DCHS2: variants seen among roughly 807,000 people sequenced by gnomAD.
DCHS2 encodes protocadherin-23.
Under a neutral mutation model 182.4 loss-of-function variants are expected in DCHS2, and 142 were observed. That is an observed-to-expected ratio of 0.78 (90% CI 0.68 to 0.89). DCHS2 has a LOEUF of 0.89. Ranked by LOEUF, DCHS2 falls within the 40% of genes least tolerant of loss-of-function variation. The pLI is 0.00. For missense variants in DCHS2, 4,319 were observed against 4,198.6 expected (o/e 1.03, Z -0.79); for synonymous variants, 1,740 against 1,663.3 (o/e 1.05, Z -1.12).
At chr4:154,484,175 T>C (rs1310915226) in intron 1 of DCHS2, among the ~76,000 whole-genome samples, 1 of 152,182 alleles carries the variant, frequency 6.6e-6, no homozygotes, top group Non-Finnish European at 1.5e-5. Flanking sequence ...GTACCAATTA[T>C]TCCTTTGTGA....
At chr4:154,325,316 C>CATGTGTGTGTGTGTGT (rs555546818) in intron 7 of DCHS2, among the ~76,000 whole-genome samples, 39 of 142,766 alleles carry the variant, frequency 2.7e-4, no homozygotes, top group Middle Eastern at 3.8e-3. Flanking sequence ...GGATTATAGC[C>CATGTGTGTGTGTGTGT]GTGTGTGTGT....
chr4:154,341,306 C>A (rs1171573562), intron 3 of DCHS2, among the ~76,000 whole-genome samples: 3 of 148,054 alleles, frequency 2.0e-5, no homozygotes, highest in Non-Finnish European at 4.5e-5. Context: ...GAAGTGGAGG[C>A]TGCAGTGAGC....
intron 12 of DCHS2, among the ~76,000 whole-genome samples, chr4:154,301,955 A>G (rs1300036328): frequency 6.6e-6 from 1 of 152,206 alleles, no homozygotes. Context: ...CACTTTTGCT[A>G]TTTTAATCTT....
At position 154,455,153 on chromosome 4, in the gene DCHS2, C is replaced by A. The variant is rs141737721; in HGVS notation, c.2052+34151G>T. ...AAAATCCAAACCTCTGTTAAATTCACCAGGTCTAGGCCTGCTTTCTGGTAC... is the reference window on the plus strand; with the variant it reads ...AAAATCCAAACCTCTGTTAAATTCAACAGGTCTAGGCCTGCTTTCTGGTAC... On this transcript the variant is annotated intron_variant, in intron 1 of 19. Coordinates refer to ENST00000357232, the MANE Select transcript of DCHS2 (RefSeq NM_001358235.2). Among the ~76,000 whole-genome samples the A allele has an allele frequency of 3.9e-3, 598 of 152,316 alleles. 4 individuals are homozygous for A. The highest frequency in any genetic ancestry group is 6.6e-3 in the Non-Finnish European group (450 of 68,030).
intron 13 of DCHS2, among the ~76,000 whole-genome samples, chr4:154,294,841 T>C (rs752133936): frequency 6.6e-6 from 1 of 152,164 alleles, no homozygotes; most frequent in African/African-American, 2.4e-5. Context: ...CAGGGCTGGG[T>C]AAGCTCTGCC....
chr4:154,464,090 C>T (rs996164839), intron 1 of DCHS2, among the ~76,000 whole-genome samples: 13 of 152,140 alleles, frequency 8.5e-5, no homozygotes, highest in African/African-American at 2.2e-4. Flanking sequence ...TGTTGGAAAA[C>T]GGCAATGTCA....
At chr4:154,287,373 C>T (rs1234620313) in intron 13 of DCHS2, among the ~76,000 whole-genome samples, 1 of 152,038 alleles carries the variant, frequency 6.6e-6, no homozygotes, top group Non-Finnish European at 1.5e-5. Flanking sequence ...AAACAATGAA[C>T]CAACCAAAAA....
At chr4:154,275,851 G>C (rs1357362597) in intron 13 of DCHS2, among the ~76,000 whole-genome samples, 2 of 152,206 alleles carry the variant, frequency 1.3e-5, no homozygotes, top group South Asian at 4.2e-4. Context: ...CTGCAAAGAA[G>C]AGTTATACAT....
intron 1 of DCHS2, among the ~76,000 whole-genome samples, chr4:154,407,661 C>T (rs1732457431): frequency 6.6e-6 from 1 of 152,142 alleles, no homozygotes. Flanking sequence ...CCCCACTATG[C>T]CAGTGAGGTG....
intron 1 of DCHS2, among the ~76,000 whole-genome samples, chr4:154,383,873 C>T (rs1731279837): frequency 1.3e-5 from 2 of 151,780 alleles, no homozygotes; most frequent in Admixed American, 1.3e-4. Context: ...AGCAATAAAA[C>T]AGGAGTTCTA....
chr4:154,449,824 A>C (rs912149126), intron 1 of DCHS2, among the ~76,000 whole-genome samples: 1 of 152,182 alleles, frequency 6.6e-6, no homozygotes, highest in Non-Finnish European at 1.5e-5. Context: ...TTAGGGCATC[A>C]TTTGTTTGCC....
intron 3 of DCHS2, among the ~76,000 whole-genome samples, chr4:154,347,016 T>C (rs775091713): frequency 2.7e-4 from 41 of 151,716 alleles, no homozygotes; most frequent in Non-Finnish European, 3.2e-4. Context: ...ACCACTTTAA[T>C]CAATGTGATA....
rs541334279 is a variant in DCHS2 at position 154,246,962 on chromosome 4, A to C, written c.6942-4190T>G. Among the ~76,000 whole-genome samples the C allele has an allele frequency of 2.6e-5, 4 of 152,296 alleles. No homozygotes were observed. In the South Asian group the frequency reaches 8.3e-4, roughly 32 times the overall value. ...GGAAAATGAAACAGGGCAAAACAAC[A>C]AAACAAAACTAAAAAAAGGGGAGGA... On this transcript the variant is annotated intron_variant, in intron 16 of 19. Transcript: ENST00000357232.
chr4:154,253,184 A>AGT (rs1732469847), intron 16 of DCHS2, among the ~76,000 whole-genome samples: 1 of 147,676 alleles, frequency 6.8e-6, no homozygotes, highest in African/African-American at 2.6e-5. Flanking sequence ...AGAGAGAGAG[A>AGT]GAGAGAGAGT....
chr4:154,484,370 T>C lies in DCHS2; in HGVS notation c.2052+4934A>G, dbSNP rs145129056. 7.5e-3 allele frequency among the ~76,000 whole-genome samples: 853 copies of C among 113,198 alleles called. 10 individuals carry two copies. The highest frequency in any genetic ancestry group is 0.041 in the South Asian group (134 of 3,306). 74.3% of individuals were successfully genotyped at this position (113,198 alleles called of 152,430 possible). A position where few individuals can be genotyped will look rare whatever the true frequency, so the allele number is the denominator to read the frequency against. ...TAAAACGTTACTTTTCACATGTCAA[T>C]CTCTATTCACAAACCTCCCATTATC... On this transcript the variant is annotated intron_variant, in intron 1 of 19. Transcript: ENST00000357232.
intron 13 of DCHS2, among the ~76,000 whole-genome samples, chr4:154,281,520 G>A (rs1181477514): frequency 6.6e-6 from 1 of 151,960 alleles, no homozygotes. Context: ...CATTACTGAA[G>A]GAAATCAAAG....
intron 1 of DCHS2, among the ~76,000 whole-genome samples, chr4:154,475,210 C>T (rs759304116): frequency 1.3e-5 from 2 of 152,082 alleles, no homozygotes; most frequent in African/African-American, 2.4e-5. Flanking sequence ...TATATATTTA[C>T]TCTAAATTTA....
At chr4:154,259,854 G>A (rs774208014) in intron 14 of DCHS2, 98 bp from the exon 15 acceptor site, 21 of 1,310,734 alleles carry the variant, frequency 1.6e-5, no homozygotes, top group African/African-American at 5.9e-5. Context: ...ACAGAGTCTC[G>A]CACTGTCGCC....
In DCHS2 at chr4:154,305,170, T is replaced by C. The variant is rs774743374; in HGVS notation, c.5322A>G (p.Ile1774Met). The C allele has an allele frequency of 1.2e-5, 20 of 1,612,802 alleles. No individual in the cohort carries two copies. Among genetic ancestry groups the C allele is most frequent in the Admixed American group, 1.7e-5 (1 of 59,962 alleles). The change falls in exon 11 of 20, where the codon ATA becomes ATG. Residue 1774 changes from isoleucine to methionine, a missense_variant. Coordinates refer to ENST00000357232, the MANE Select transcript of DCHS2 (RefSeq NM_001358235.2). ...MPGASFELFE[I>M]NSDTGEVVTT... ...TCACTACCTCTCCAGTGTCAGAATT[T>C]ATCTCGAATAATTCAAATGAAGCAC...
Sources: gnomAD v4.1 joint callset for allele counts (sites outside exome capture counted in the v4.1 genomes callset) on GRCh38, gnomAD v4.1.1 for gene constraint, MANE v1.5 for transcripts, NCBI Gene and HGNC (gene_info 2026-07-23, HGNC 2026-07-21) for gene names.